XKR9: variants seen among roughly 807,000 people sequenced by gnomAD.
The protein encoded by XKR9 is XK-related protein 9.
Under a neutral mutation model 32.0 loss-of-function variants are expected in XKR9, and 32 were observed. The ratio of observed to expected loss-of-function variants is 1.00; its 90% CI spans 0.76 to 1.34. The LOEUF (loss-of-function observed/expected upper bound fraction) is 1.34, where lower values mean the gene tolerates loss of function less well. XKR9 is among the 40% of genes most tolerant of loss of function. XKR9 has a pLI of 0.00. For synonymous variants in XKR9, 168 were observed against 143.4 expected (o/e 1.17, Z -1.22); for missense variants, 546 against 429.7 (o/e 1.27, Z -2.39).
chr8:71,020,106 T>C, the XKR9 span, among the ~76,000 whole-genome samples: 5 of 152,218 alleles, frequency 3.3e-5, no homozygotes, highest in African/African-American at 1.2e-4. Context: ...TCTCAGTACC[T>C]GAATTGGCTT....
the XKR9 span, among the ~76,000 whole-genome samples, chr8:70,812,277 T>C: frequency 6.6e-6 from 1 of 152,314 alleles, no homozygotes; most frequent in Admixed American, 6.5e-5. Context: ...AATTAGGTAT[T>C]GATGGGACGT....
the XKR9 span, among the ~76,000 whole-genome samples, chr8:70,798,225 T>C: frequency 6.6e-3 from 1,007 of 152,248 alleles, 5 homozygotes; most frequent in Non-Finnish European, 0.01. Context: ...CTGTTATTTT[T>C]TTGACTTTTT....
the XKR9 span, among the ~76,000 whole-genome samples, chr8:70,806,089 A>G: frequency 2.6e-5 from 4 of 152,194 alleles, no homozygotes; most frequent in Non-Finnish European, 5.9e-5. Flanking sequence ...AGCCTCCTTG[A>G]GTGACATCTC....
At chr8:70,924,649 G>A in the XKR9 span, among the ~76,000 whole-genome samples, 1 of 152,092 alleles carries the variant, frequency 6.6e-6, no homozygotes, top group African/African-American at 2.4e-5. Flanking sequence ...TATATTCACT[G>A]GTTGTTTTCA....
intron 3 of XKR9, among the ~76,000 whole-genome samples, chr8:70,684,820 G>C (rs1313851274): frequency 3.4e-5 from 5 of 147,230 alleles, no homozygotes; most frequent in Admixed American, 3.4e-4. Flanking sequence ...AGTTAGAATG[G>C]CAATCATTAA....
chr8:71,060,307 C>T, the XKR9 span, among the ~76,000 whole-genome samples: 2 of 152,320 alleles, frequency 1.3e-5, no homozygotes, highest in African/African-American at 4.8e-5. Flanking sequence ...AACTATCTGA[C>T]AGAAGTCCTT....
the XKR9 span, among the ~76,000 whole-genome samples, chr8:70,809,454 G>C: frequency 6.6e-6 from 1 of 152,210 alleles, no homozygotes; most frequent in Admixed American, 6.5e-5. Flanking sequence ...GAATGACTTT[G>C]ATGAGTTGAG....
downstream of XKR9, among the ~76,000 whole-genome samples, chr8:70,736,792 A>G (rs561535426): frequency 8.6e-5 from 13 of 151,466 alleles, no homozygotes; most frequent in East Asian, 2.5e-3. Context: ...ATGCGGCGTT[A>G]TTTCTGAGGG....
chr8:70,800,782 G>A, the XKR9 span, among the ~76,000 whole-genome samples: 1 of 152,090 alleles, frequency 6.6e-6, no homozygotes, highest in Non-Finnish European at 1.5e-5. Flanking sequence ...CACTGTGCCT[G>A]GCCAGGTTCT....
chr8:70,856,165 TA>T, the XKR9 span, among the ~76,000 whole-genome samples: 1 of 152,128 alleles, frequency 6.6e-6, no homozygotes, highest in Non-Finnish European at 1.5e-5. Context: ...ATGCTCCAAT[TA>T]AAAGACACAG....
At chr8:70,715,015 G>A (rs1486813165) in intron 4 of XKR9, among the ~76,000 whole-genome samples, 1 of 152,038 alleles carries the variant, frequency 6.6e-6, no homozygotes, top group Non-Finnish European at 1.5e-5. Context: ...GTTAGAAGCA[G>A]GTAGGAAAGT....
At chr8:71,012,342 T>C in the XKR9 span, among the ~76,000 whole-genome samples, 1 of 152,206 alleles carries the variant, frequency 6.6e-6, no homozygotes, top group Non-Finnish European at 1.5e-5. Flanking sequence ...TAATCTTTTA[T>C]CAGCTTTCAC....
At chr8:70,961,515 A>T in the XKR9 span, among the ~76,000 whole-genome samples, 2 of 152,178 alleles carry the variant, frequency 1.3e-5, no homozygotes, top group African/African-American at 2.4e-5. Context: ...AAAACGACCA[A>T]GTCTTTTTTT....
Position 70,735,410 on chromosome 8 carries a change from G to A in XKR9, c.*986G>A, listed in dbSNP as rs574936354. The A allele has an allele frequency of 6.6e-5, 10 of 151,610 alleles. No individual in the cohort carries two copies. Among genetic ancestry groups the A allele is most frequent in the African/African-American group, 2.2e-4 (9 of 41,418 alleles). 9.4% of individuals were successfully genotyped at this position (151,610 alleles called of 1,614,324 possible). ...CAAATTTGTATGTTGATGGCATTTGGAAGTGGTGGGGACTTTGTTTATTTA... is the reference window on the plus strand; with the variant it reads ...CAAATTTGTATGTTGATGGCATTTGAAAGTGGTGGGGACTTTGTTTATTTA... On this transcript the variant is annotated 3_prime_UTR_variant, in exon 5 of 5. Transcript: ENST00000408926.
chr8:70,916,233 T>G, the XKR9 span, among the ~76,000 whole-genome samples: 1 of 152,224 alleles, frequency 6.6e-6, no homozygotes, highest in Non-Finnish European at 1.5e-5. Flanking sequence ...ATTGGGTAAT[T>G]ATCCTCCTGC....
chr8:70,908,017 G>C, the XKR9 span, among the ~76,000 whole-genome samples: 2 of 152,080 alleles, frequency 1.3e-5, no homozygotes, highest in African/African-American at 4.8e-5. Flanking sequence ...TTAATTCGTT[G>C]AAACTTTATT....
chr8:70,998,582 A>C, the XKR9 span, among the ~76,000 whole-genome samples: 1 of 152,224 alleles, frequency 6.6e-6, no homozygotes, highest in Non-Finnish European at 1.5e-5. Flanking sequence ...ACTGGAGACA[A>C]TATGAATAAC....
chr8:70,868,498 C>G, the XKR9 span, among the ~76,000 whole-genome samples: 1 of 150,852 alleles, frequency 6.6e-6, no homozygotes, highest in Non-Finnish European at 1.5e-5. Context: ...GAAGCTATGG[C>G]CCGAGCTCTA....
At chr8:70,871,595 G>A in the XKR9 span, among the ~76,000 whole-genome samples, 11 of 152,166 alleles carry the variant, frequency 7.2e-5, no homozygotes, top group Non-Finnish European at 5.9e-5. Context: ...AAACTTAATA[G>A]ATATGTGTTG....
Sources: gnomAD v4.1 joint callset for allele counts (sites outside exome capture counted in the v4.1 genomes callset) on GRCh38, gnomAD v4.1.1 for gene constraint, MANE v1.5 for transcripts, NCBI Gene and HGNC (gene_info 2026-07-23, HGNC 2026-07-21) for gene names.